Variants in IL18BP observed in about 807,000 individuals in gnomAD.
IL18BP encodes the protein interleukin-18-binding protein.
IL18BP carries 23 observed loss-of-function variants against 19.9 expected under a neutral mutation model. The ratio of observed to expected loss-of-function variants is 1.15; its 90% CI spans 0.83 to 1.64. The LOEUF (loss-of-function observed/expected upper bound fraction) is 1.64, where lower values mean the gene tolerates loss of function less well. Ranked by LOEUF, IL18BP falls within the 40% of genes most tolerant of loss-of-function variation. The pLI is 0.00. For missense variants in IL18BP, 239 were observed against 240.7 expected (o/e 0.99, Z 0.05); for synonymous variants, 107 against 101.0 (o/e 1.06, Z -0.35).
In IL18BP at chr11:72,002,019, C is replaced by A; in HGVS notation, c.*158C>A. 2 of 1,056,870 alleles carry A rather than the reference C, an allele frequency of 1.9e-6. No homozygotes were observed. Among genetic ancestry groups the A allele is most frequent in the South Asian group, 1.6e-5 (1 of 62,352 alleles). 65.5% of individuals were successfully genotyped at this position (1,056,870 alleles called of 1,614,324 possible). ...GGTCCCTTCTCTCACCAAATTCAAACTCCATTCCCACCTACCTAGAAAATC... is the reference window on the plus strand; with the variant it reads ...GGTCCCTTCTCTCACCAAATTCAAAATCCATTCCCACCTACCTAGAAAATC... On this transcript the variant is annotated 3_prime_UTR_variant, in exon 6 of 6. Coordinates refer to ENST00000393703, the MANE Select transcript of IL18BP (RefSeq NM_001039660.2).
rs774032109 is a variant in IL18BP at position 71,999,975 on chromosome 11, C to T, written c.-10C>T. 33 of 1,613,690 alleles carry T rather than the reference C, an allele frequency of 2.0e-5. No homozygotes were observed. The East Asian group carries it at 2.2e-4, about 11-fold the overall frequency. On this transcript the variant is annotated 5_prime_UTR_variant, in exon 2 of 6. It adds an upstream start codon to the 5' untranslated region. Coordinates refer to ENST00000393703, the MANE Select transcript of IL18BP (RefSeq NM_001039660.2). ...AAGAGCCAGGCTCACCAGCTCCTGA[C>T]GCATGCATCATGACCATGAGACACA...
At chr11:72,003,458 CAGT>C, downstream of IL18BP, 1 of 1,476,294 alleles carries the variant, frequency 6.8e-7, no homozygotes. Flanking sequence ...CTGAGAGGGA[CAGT>C]AGGCGGAGGA....
At chr11:72,004,271 C>T, downstream of IL18BP, 1 of 1,613,506 alleles carries the variant, frequency 6.2e-7, no homozygotes, top group Non-Finnish European at 8.5e-7. Context: ...CTCAGTAGTG[C>T]TCTGTTTGCG....
chr11:72,007,242 T>A, downstream of IL18BP: 13 of 1,611,990 alleles, frequency 8.1e-6, no homozygotes, highest in Non-Finnish European at 1.0e-5. Flanking sequence ...GCGGAGCGGG[T>A]CTTACGACCC....
downstream of IL18BP, chr11:72,004,027 G>A (rs745630935): frequency 1.1e-5 from 18 of 1,613,596 alleles, no homozygotes; most frequent in South Asian, 8.8e-5. Flanking sequence ...GAGGCTCCCC[G>A]CCGCAGAAGG....
chr11:72,007,295 AG>A, downstream of IL18BP: 1 of 1,613,236 alleles, frequency 6.2e-7, no homozygotes, highest in African/African-American at 1.3e-5. Context: ...GCTGCTCTCC[AG>A]GGGGGCCTGA....
chr11:72,001,149 G>T, intron 3 of IL18BP, 52 bp from the exon 4 acceptor site: 2 of 1,608,866 alleles, frequency 1.2e-6, no homozygotes, highest in Non-Finnish European at 1.7e-6. Context: ...GCAGAGCAGG[G>T]TAGGGGAAGG....
At chr11:72,000,588 T>C in intron 3 of IL18BP, 31 bp downstream of exon 3, 1 of 1,589,280 alleles carries the variant, frequency 6.3e-7, no homozygotes, top group Non-Finnish European at 8.6e-7. Context: ...GGGTGGGCTA[T>C]GGGCACAGAG....
chr11:72,003,521 G>C (rs764785811), downstream of IL18BP: 5 of 1,613,922 alleles, frequency 3.1e-6, no homozygotes, highest in African/African-American at 6.7e-5. Flanking sequence ...CACTGGTACT[G>C]GCCCTTTAGT....
At chr11:72,001,763 T>C in intron 5 of IL18BP, 21 bp from the exon 6 acceptor site, 1 of 1,614,104 alleles carries the variant, frequency 6.2e-7, no homozygotes, top group Non-Finnish European at 8.5e-7. Flanking sequence ...GCCTGATCCT[T>C]GTCTGCCTTC....
chr11:72,003,860 C>T (rs1312855540), downstream of IL18BP: 6 of 1,610,788 alleles, frequency 3.7e-6, no homozygotes, highest in South Asian at 5.5e-5. Context: ...ATCGGGTTTC[C>T]CTCCCCCATC....
chr11:72,004,011 T>G (rs1489267804), downstream of IL18BP: 2 of 1,613,380 alleles, frequency 1.2e-6, no homozygotes, highest in Non-Finnish European at 1.7e-6. Context: ...GGACAGGGCC[T>G]TCTTTGAGGC....
chr11:72,003,450 G>A (rs1046523053), downstream of IL18BP: 3 of 1,430,538 alleles, frequency 2.1e-6, no homozygotes, highest in African/African-American at 4.2e-5. Flanking sequence ...AGAAGGCACT[G>A]AGAGGGACAG....
At chr11:72,000,692 T>A in intron 3 of IL18BP, 135 bp downstream of exon 3, 1 of 705,516 alleles carries the variant, frequency 1.4e-6, no homozygotes, top group Non-Finnish European at 2.4e-6. Flanking sequence ...CCATTCTCCC[T>A]CCCCAACCCA....
At chr11:72,003,871 CTGCCAG>C (rs754755633), downstream of IL18BP, 4 of 1,612,760 alleles carry the variant, frequency 2.5e-6, no homozygotes, top group Admixed American at 6.7e-5. Context: ...CTCCCCCATC[CTGCCAG>C]TGCCTCTACC....
At chr11:72,003,625 C>T (rs1013554561), downstream of IL18BP, 55 of 1,545,942 alleles carry the variant, frequency 3.6e-5, no homozygotes, top group South Asian at 2.5e-4. Context: ...CCTGCTCCCA[C>T]GCCCCTGTCT....
At chr11:72,007,415 G>C, downstream of IL18BP, 1 of 1,613,670 alleles carries the variant, frequency 6.2e-7, no homozygotes, top group Non-Finnish European at 8.5e-7. Context: ...GGTGCCGTCT[G>C]GCTGGGTACG....
At chr11:72,005,820 G>A (rs1265450766), downstream of IL18BP, 1 of 573,120 alleles carries the variant, frequency 1.7e-6, no homozygotes, top group African/African-American at 1.9e-5. Context: ...GGAATCCCGG[G>A]CCCTTAACTC....
rs1278118734 is a variant in IL18BP at position 72,001,714 on chromosome 11, A to G, written c.508-70A>G. Reference sequence around the variant, plus strand: ...CTTAGGTCTTGGGCAGAGGAGGTGTAGCCTGGGGCAAAGTGATGAGATGTC... The same window carrying G: ...CTTAGGTCTTGGGCAGAGGAGGTGTGGCCTGGGGCAAAGTGATGAGATGTC... On this transcript the variant is annotated intron_variant, in intron 5 of 5. Coordinates refer to ENST00000393703, the MANE Select transcript of IL18BP (RefSeq NM_001039660.2). The G allele has an allele frequency of 2.5e-6, 4 of 1,613,086 alleles. No individual in the cohort carries two copies. In the African/African-American group the frequency reaches 5.3e-5, roughly 21 times the overall value.
Sources: gnomAD v4.1 joint callset for allele counts on GRCh38, gnomAD v4.1.1 for gene constraint, MANE v1.5 for transcripts, NCBI Gene and HGNC (gene_info 2026-07-23, HGNC 2026-07-21) for gene names.